Variants in KANK1 observed in about 807,000 individuals in gnomAD.
The protein encoded by KANK1 is KN motif and ankyrin repeat domain-containing protein 1.
In KANK1, 109 loss-of-function variants were observed where a neutral mutation model predicts 106.2. The ratio of observed to expected loss-of-function variants is 1.03; its 90% CI spans 0.88 to 1.20. KANK1 has a LOEUF of 1.20. KANK1 is among the 50% of genes most tolerant of loss of function. The pLI, the probability that KANK1 is intolerant of heterozygous loss-of-function variation, is 0.00. For missense variants in KANK1, 2,399 were observed against 1,710.7 expected, an observed-to-expected ratio of 1.40 and a Z score of -7.10; for synonymous variants, 873 against 652.2, an observed-to-expected ratio of 1.34 and a Z score of -5.16.
At chr9:738,982 C>T (rs1359323011) in intron 8 of KANK1, among the ~76,000 whole-genome samples, 17 of 152,278 alleles carry the variant, frequency 1.1e-4, no homozygotes, top group Non-Finnish European at 2.9e-5. Context: ...AGCAAAGCCA[C>T]CTTAACAGAT....
At chr9:483,182 A>C (rs572347811) in intron 3 of KANK1, among the ~76,000 whole-genome samples, 2 of 152,320 alleles carry the variant, frequency 1.3e-5, no homozygotes, top group South Asian at 4.1e-4. Context: ...ATAGGAAAAA[A>C]AAACATAGTA....
chr9:671,623 A>AAAAAAAAAAAAAAAAAAAAAAAAAAAAG (rs79437342), intron 1 of KANK1, among the ~76,000 whole-genome samples: 3 of 103,630 alleles, frequency 2.9e-5, no homozygotes, highest in African/African-American at 8.9e-5. Context: ...CTCAAAAAAA[A>AAAAAAAAAAAAAAAAAAAAAAAAAAAAG]AAAAGAGTGT....
intron 11 of KANK1, 60 bp downstream of exon 11, chr9:744,649 C>T: frequency 6.2e-7 from 1 of 1,613,618 alleles, no homozygotes; most frequent in South Asian, 1.1e-5. Flanking sequence ...TGGTGGACCC[C>T]CTTCCTCCAG....
At chr9:485,005 A>T (rs2058267228) in intron 3 of KANK1, among the ~76,000 whole-genome samples, 1 of 151,982 alleles carries the variant, frequency 6.6e-6, no homozygotes, top group Non-Finnish European at 1.5e-5. Context: ...CCCAGATTTG[A>T]GTTCAGAGAG....
chr9:710,615 C>CAAAAA lies in KANK1; in HGVS notation c.38-179_38-175dup, dbSNP rs1222306010. 3.3e-4 allele frequency among the ~76,000 whole-genome samples: 12 copies of CAAAAA among 36,012 alleles called. 1 individual carries two copies. The highest frequency in any genetic ancestry group is 8.1e-4 in the African/African-American group (5 of 6,170). 23.6% of individuals were successfully genotyped at this position (36,012 alleles called of 152,430 possible). The stretch of plus-strand genomic sequence containing the variant: ...GCCTGGGTGACAGAATGACCTGTCT[C>CAAAAA]AAAAAAAAAAAAAACAAAAAAAAAC... On this transcript the variant is annotated intron_variant, in intron 2 of 11. Transcript: ENST00000382297.
intron 2 of KANK1, among the ~76,000 whole-genome samples, chr9:677,303 C>G (rs1239877799): frequency 6.6e-6 from 1 of 152,174 alleles, no homozygotes; most frequent in Non-Finnish European, 1.5e-5. Flanking sequence ...ATGTATACTC[C>G]TCTTGCACTT....
intron 1 of KANK1, among the ~76,000 whole-genome samples, chr9:582,677 G>A (rs1342965955): frequency 6.6e-6 from 1 of 152,212 alleles, no homozygotes; most frequent in Non-Finnish European, 1.5e-5. Flanking sequence ...GATCTCTGTA[G>A]AGTATGGCAA....
chr9:588,816 T>C (rs1824152551), intron 1 of KANK1, among the ~76,000 whole-genome samples: 1 of 152,112 alleles, frequency 6.6e-6, no homozygotes, highest in Non-Finnish European at 1.5e-5. Flanking sequence ...ATGAAAATAG[T>C]AATAAAAGCC....
chr9:631,149 A>G (rs1053030518), intron 1 of KANK1, among the ~76,000 whole-genome samples: 1 of 152,114 alleles, frequency 6.6e-6, no homozygotes, highest in Non-Finnish European at 1.5e-5. Flanking sequence ...TGTACCACAA[A>G]TATTTCCTTA....
chr9:601,357 A>G (rs536021641), intron 1 of KANK1, among the ~76,000 whole-genome samples: 3 of 151,868 alleles, frequency 2.0e-5, no homozygotes, highest in Non-Finnish European at 4.4e-5. Flanking sequence ...CCAATCCAAG[A>G]TCCACATTGT....
chr9:626,347 C>T (rs369638022), intron 1 of KANK1, among the ~76,000 whole-genome samples: 1 of 151,780 alleles, frequency 6.6e-6, no homozygotes, highest in African/African-American at 2.4e-5. Flanking sequence ...CCCAGCTACT[C>T]GGAAGGCTGA....
At chr9:526,864 C>A (rs2059815707) in intron 1 of KANK1, among the ~76,000 whole-genome samples, 1 of 151,778 alleles carries the variant, frequency 6.6e-6, no homozygotes, top group Non-Finnish European at 1.5e-5. Context: ...TTTCCTCACA[C>A]TGTGGAAGAT....
At chr9:595,237 G>T (rs1348292399) in intron 1 of KANK1, among the ~76,000 whole-genome samples, 1 of 151,854 alleles carries the variant, frequency 6.6e-6, no homozygotes, top group African/African-American at 2.4e-5. Flanking sequence ...AACATGGTGA[G>T]ACCCTGTCTC....
intron 1 of KANK1, among the ~76,000 whole-genome samples, chr9:666,323 G>A (rs10975652): frequency 0.29 from 44,046 of 152,070 alleles, 6,951 homozygotes; most frequent in South Asian, 0.48. Context: ...GTATCCTGCA[G>A]CTTTACTGAA....
At chr9:692,200 A>G (rs1364278838) in intron 2 of KANK1, among the ~76,000 whole-genome samples, 2 of 152,090 alleles carry the variant, frequency 1.3e-5, no homozygotes, top group Middle Eastern at 3.2e-3. Flanking sequence ...GCCTTATTCC[A>G]TTTACTTTCC....
chr9:525,452 T>C (rs1173647207), intron 1 of KANK1, among the ~76,000 whole-genome samples: 3 of 151,228 alleles, frequency 2.0e-5, no homozygotes, highest in Admixed American at 1.3e-4. Context: ...TGATCTTGGC[T>C]CACTGCAACT....
intron 1 of KANK1, among the ~76,000 whole-genome samples, chr9:649,181 A>G (rs917850242): frequency 1.3e-5 from 2 of 152,150 alleles, no homozygotes; most frequent in African/African-American, 4.8e-5. Flanking sequence ...GAGTGTCTTC[A>G]TAGCAGTCTT....
At chr9:666,275 G>A (rs553727868) in intron 1 of KANK1, among the ~76,000 whole-genome samples, 17 of 152,130 alleles carry the variant, frequency 1.1e-4, no homozygotes, top group African/African-American at 4.1e-4. Flanking sequence ...TTCACTATTG[G>A]TATATATAAA....
At position 499,199 on chromosome 9, in the gene KANK1, C is replaced by T. The variant is rs111760343; in HGVS notation, c.-362+25926C>T. ...TCTCAAAAAAAAAAAAAAAGTTAAA[C>T]GCAGAGTTATCATATGACCAAGAAA... On this transcript the variant is annotated intron_variant, in intron 3 of 15. Transcript: ENST00000382303. Among the ~76,000 whole-genome samples the T allele has an allele frequency of 5.8e-3, 878 of 150,624 alleles. 8 individuals carry two copies. The highest frequency in any genetic ancestry group is 0.021 in the Middle Eastern group (6 of 286).
Sources: gnomAD v4.1 joint callset for allele counts (sites outside exome capture counted in the v4.1 genomes callset) on GRCh38, gnomAD v4.1.1 for gene constraint, MANE v1.5 for transcripts, NCBI Gene and HGNC (gene_info 2026-07-23, HGNC 2026-07-21) for gene names.